Variants in FOXP2 observed in about 807,000 individuals in gnomAD.
FOXP2 encodes forkhead box P2.
Under a neutral mutation model 115.8 loss-of-function variants are expected in FOXP2, and 12 were observed. The ratio of observed to expected loss-of-function variants is 0.10; its 90% CI spans 0.07 to 0.17. The LOEUF (loss-of-function observed/expected upper bound fraction) is 0.17. FOXP2 is among the 10% of genes least tolerant of loss of function. The pLI is 1.00. For synonymous variants in FOXP2, 328 were observed against 297.7 expected (o/e 1.10, Z -1.05); for missense variants, 629 against 843.5 (o/e 0.75, Z 3.15).
chr7:114,197,486 G>A (rs1391628727), intron 1 of FOXP2, among the ~76,000 whole-genome samples: 1 of 152,024 alleles, frequency 6.6e-6, no homozygotes, highest in Non-Finnish European at 1.5e-5. Context: ...CCATCATATG[G>A]GCTTCACCCT....
At chr7:114,564,144 GC>G (rs1391053337) in intron 3 of FOXP2, among the ~76,000 whole-genome samples, 2 of 152,216 alleles carry the variant, frequency 1.3e-5, no homozygotes, top group Middle Eastern at 3.4e-3. Flanking sequence ...AATCTTTCTA[GC>G]CTTGTCTCTC....
chr7:114,197,383 A>G (rs1793940700), intron 1 of FOXP2, among the ~76,000 whole-genome samples: 1 of 152,160 alleles, frequency 6.6e-6, no homozygotes, highest in East Asian at 1.9e-4. Flanking sequence ...GGTTCTGGTG[A>G]AGTCTCTCTT....
At chr7:114,111,978 A>C (rs1282617696) in intron 1 of FOXP2, among the ~76,000 whole-genome samples, 1 of 152,050 alleles carries the variant, frequency 6.6e-6, no homozygotes, top group Admixed American at 6.6e-5. Flanking sequence ...CTGATGGACT[A>C]CTATTAACTA....
chr7:114,477,807 G>A (rs79950282), intron 2 of FOXP2, among the ~76,000 whole-genome samples: 2,233 of 151,974 alleles, frequency 0.015, 23 homozygotes, highest in Non-Finnish European at 0.023. Flanking sequence ...GATAATTTCA[G>A]ATAAATGTTT....
chr7:114,481,804 CTA>C (rs1562952185), intron 2 of FOXP2, among the ~76,000 whole-genome samples: 1 of 147,996 alleles, frequency 6.8e-6, no homozygotes, highest in East Asian at 2.0e-4. Context: ...ATCTATCTAT[CTA>C]TCTATATATC....
intron 2 of FOXP2, among the ~76,000 whole-genome samples, chr7:114,338,261 ATTAC>A (rs1482773535): frequency 1.3e-5 from 2 of 150,994 alleles, no homozygotes; most frequent in Non-Finnish European, 3.0e-5. Flanking sequence ...AATTTTGTAG[ATTAC>A]TTAGTTTTTA....
At chr7:114,526,546 C>T (rs1169684315) in intron 2 of FOXP2, among the ~76,000 whole-genome samples, 2 of 151,034 alleles carry the variant, frequency 1.3e-5, no homozygotes, top group African/African-American at 4.9e-5. Context: ...TTATTTTAGT[C>T]TTCACAGAAG....
At chr7:114,570,347 A>G (rs1350373065) in intron 3 of FOXP2, among the ~76,000 whole-genome samples, 1 of 151,900 alleles carries the variant, frequency 6.6e-6, no homozygotes. Context: ...CTCACATGAC[A>G]TGGTAGGACA....
chr7:114,375,660 T>C (rs1562892842), intron 2 of FOXP2, among the ~76,000 whole-genome samples: 1 of 152,140 alleles, frequency 6.6e-6, no homozygotes, highest in Non-Finnish European at 1.5e-5. Context: ...ATCCTAAGTC[T>C]TATGTCTAGA....
At chr7:114,308,358 T>C (rs1451443476) in intron 2 of FOXP2, among the ~76,000 whole-genome samples, 1 of 152,136 alleles carries the variant, frequency 6.6e-6, no homozygotes, top group Non-Finnish European at 1.5e-5. Context: ...CTACAATTAG[T>C]TTGAACTCCC....
upstream of FOXP2, among the ~76,000 whole-genome samples, chr7:114,159,741 G>C (rs533470740): frequency 6.6e-6 from 1 of 152,168 alleles, no homozygotes; most frequent in African/African-American, 2.4e-5. Flanking sequence ...AGCCAAAGGG[G>C]CAAGTTACCC....
At chr7:114,689,689 G>T in intron 16 of FOXP2, 93 bp from the exon 17 acceptor site, 1 of 1,270,950 alleles carries the variant, frequency 7.9e-7, no homozygotes, top group South Asian at 1.2e-5. Context: ...GTGTCTTCTT[G>T]CCTTTTTTCA....
chr7:114,574,039 T>A (rs1584911927), intron 3 of FOXP2, among the ~76,000 whole-genome samples: 1 of 151,894 alleles, frequency 6.6e-6, no homozygotes, highest in East Asian at 1.9e-4. Context: ...CCCTGAGTAT[T>A]GTACCTCTCT....
intron 1 of FOXP2, among the ~76,000 whole-genome samples, chr7:114,115,807 G>T (rs1791392282): frequency 6.6e-6 from 1 of 152,070 alleles, no homozygotes. Context: ...GCTCCTCAAA[G>T]GCAGGGACTT....
chr7:114,641,591 A>G (rs1805531727), intron 6 of FOXP2, among the ~76,000 whole-genome samples: 1 of 151,626 alleles, frequency 6.6e-6, no homozygotes, highest in Non-Finnish European at 1.5e-5. Flanking sequence ...CAAATCTCCT[A>G]TTTTTTTGAG....
intron 2 of FOXP2, among the ~76,000 whole-genome samples, chr7:114,443,678 G>T: frequency 6.6e-6 from 1 of 152,046 alleles, no homozygotes; most frequent in Non-Finnish European, 1.5e-5. Context: ...GCAGTATTTG[G>T]TTTCCTGTTT....
intron 1 of FOXP2, among the ~76,000 whole-genome samples, chr7:114,269,794 C>T (rs1795989661): frequency 6.6e-6 from 1 of 152,110 alleles, no homozygotes; most frequent in Admixed American, 6.5e-5. Context: ...ACACCCCACC[C>T]TCAGTAAAAA....
chr7:114,425,330 GGTTGTTTCTGCAATTCT>G (rs1244515984), intron 1 of FOXP2, among the ~76,000 whole-genome samples: 1 of 151,556 alleles, frequency 6.6e-6, no homozygotes. Context: ...AGCACAGCCA[GGTTGTTTCTGCAATTCT>G]GTCCATAGAA....
chr7:114,515,632 G>T (rs1480832319), intron 2 of FOXP2, among the ~76,000 whole-genome samples: 1 of 151,878 alleles, frequency 6.6e-6, no homozygotes, highest in Non-Finnish European at 1.5e-5. Flanking sequence ...TTTGTCAGAT[G>T]AGTAGGTTGC....
Sources: gnomAD v4.1 joint callset for allele counts (sites outside exome capture counted in the v4.1 genomes callset) on GRCh38, gnomAD v4.1.1 for gene constraint, MANE v1.5 for transcripts, NCBI Gene and HGNC (gene_info 2026-07-23, HGNC 2026-07-21) for gene names.